JARID2: variants seen among roughly 807,000 people sequenced by gnomAD.
JARID2 encodes protein Jumonji.
Under a neutral mutation model 125.6 loss-of-function variants are expected in JARID2, and 21 were observed. The ratio of observed to expected loss-of-function variants is 0.17; its 90% CI spans 0.12 to 0.24. The LOEUF is 0.24. JARID2 is among the 10% of genes least tolerant of loss of function. JARID2 has a pLI of 1.00. For missense variants in JARID2, 1,303 were observed against 1,639.6 expected (o/e 0.79, Z 3.55); for synonymous variants, 736 against 661.6 (o/e 1.11, Z -1.73).
At chr6:15,486,195 C>CT (rs1409929038) in intron 5 of JARID2, among the ~76,000 whole-genome samples, 2 of 152,200 alleles carry the variant, frequency 1.3e-5, no homozygotes, top group African/African-American at 4.8e-5. Flanking sequence ...GAAACAGGCC[C>CT]TGTTTGGACT....
intron 3 of JARID2, among the ~76,000 whole-genome samples, chr6:15,451,595 C>G (rs985491214): frequency 6.6e-6 from 1 of 152,052 alleles, no homozygotes; most frequent in Non-Finnish European, 1.5e-5. Context: ...GTTAGATGGA[C>G]GTATAGGATG....
intron 5 of JARID2, among the ~76,000 whole-genome samples, chr6:15,481,442 C>CTT (rs910848222): frequency 2.6e-4 from 40 of 152,188 alleles, no homozygotes; most frequent in Non-Finnish European, 3.8e-4. Context: ...AGGGTTTAAT[C>CTT]TTTCCCTGTG....
At chr6:15,287,856 A>G (rs1296211411) in intron 1 of JARID2, among the ~76,000 whole-genome samples, 2 of 152,176 alleles carry the variant, frequency 1.3e-5, no homozygotes, top group Non-Finnish European at 2.9e-5. Context: ...AAAGCATTGT[A>G]TAATACCCAC....
In JARID2 at chr6:15,318,615, C is replaced by T. The variant is rs111497130; in HGVS notation, c.46-55502C>T. Among the ~76,000 whole-genome samples, 1,239 of 152,296 alleles carry T rather than the reference C, an allele frequency of 8.1e-3. 8 individuals are homozygous for T. The highest frequency in any genetic ancestry group is 0.042 in the South Asian group (203 of 4,826). On this transcript the variant is annotated intron_variant, in intron 1 of 17. Transcript: ENST00000341776. ...TCTGACATTCACTGGAGGCACCCCC[C>T]TCCCCTTTCCTTACAAGGCATCTCA...
chr6:15,476,572 T>C (rs1392365828), intron 5 of JARID2, among the ~76,000 whole-genome samples: 1 of 152,202 alleles, frequency 6.6e-6, no homozygotes, highest in Non-Finnish European at 1.5e-5. Flanking sequence ...AACATCCTAA[T>C]GGAAATGGAT....
intron 1 of JARID2, among the ~76,000 whole-genome samples, chr6:15,286,840 C>A (rs562579186): frequency 3.4e-5 from 5 of 146,566 alleles, no homozygotes; most frequent in Admixed American, 6.9e-5. Flanking sequence ...CCAGCCTGGG[C>A]GACAGAGCGA....
chr6:15,336,286 A>T (rs794797), intron 1 of JARID2, among the ~76,000 whole-genome samples: 137,245 of 152,348 alleles, frequency 0.9, 62,004 homozygotes, highest in African/African-American at 0.98. Context: ...TTTTGTGTTT[A>T]ACAACACTGG....
At chr6:15,401,249 A>G (rs529899669) in intron 2 of JARID2, among the ~76,000 whole-genome samples, 21 of 152,254 alleles carry the variant, frequency 1.4e-4, no homozygotes, top group African/African-American at 5.1e-4. Flanking sequence ...CCTAGGGGCA[A>G]TGGTGGCTCC....
At chr6:15,276,170 C>G (rs1356657580) in intron 1 of JARID2, among the ~76,000 whole-genome samples, 1 of 152,200 alleles carries the variant, frequency 6.6e-6, no homozygotes, top group Non-Finnish European at 1.5e-5. Flanking sequence ...CCTAAGTTGA[C>G]TAAAGTTCGA....
chr6:15,409,194 C>G (rs760238181), intron 2 of JARID2, among the ~76,000 whole-genome samples: 1 of 152,168 alleles, frequency 6.6e-6, no homozygotes, highest in African/African-American at 2.4e-5. Flanking sequence ...TTCTGAGATA[C>G]TTCAGTCACA....
Position 15,346,678 on chromosome 6 carries a change from G to T in JARID2, c.46-27439G>T, listed in dbSNP as rs547515413. On this transcript the variant is annotated intron_variant, in intron 1 of 17. Coordinates refer to ENST00000341776, the MANE Select transcript of JARID2 (RefSeq NM_004973.4). Reference sequence around the variant, plus strand: ...ATTTTGTTTGTTCTGCTCTAACAACGTCTGGATGCTTGTAGTGACCAGCTT... The same window carrying T: ...ATTTTGTTTGTTCTGCTCTAACAACTTCTGGATGCTTGTAGTGACCAGCTT... 4.2e-4 allele frequency among the ~76,000 whole-genome samples: 64 copies of T among 151,858 alleles called. 3 individuals carry two copies. The South Asian group carries it at 0.013, about 31-fold the overall frequency.
At chr6:15,413,883 C>T (rs912518612) in intron 3 of JARID2, among the ~76,000 whole-genome samples, 2 of 152,214 alleles carry the variant, frequency 1.3e-5, no homozygotes, top group East Asian at 3.8e-4. Flanking sequence ...CCTCTCAGCA[C>T]TGTTGGATTA....
At chr6:15,420,917 C>G (rs1766458222) in intron 3 of JARID2, among the ~76,000 whole-genome samples, 1 of 152,220 alleles carries the variant, frequency 6.6e-6, no homozygotes, top group African/African-American at 2.4e-5. Context: ...AATTTGGATA[C>G]TGTTCCTGCT....
intron 4 of JARID2, among the ~76,000 whole-genome samples, chr6:15,461,856 A>ATG (rs1245434142): frequency 6.6e-6 from 1 of 151,588 alleles, no homozygotes; most frequent in Non-Finnish European, 1.5e-5. Flanking sequence ...CTTGGATCCC[A>ATG]TGTAGAGTCC....
chr6:15,255,158 T>C (rs1452682663), intron 1 of JARID2, among the ~76,000 whole-genome samples: 2 of 148,946 alleles, frequency 1.3e-5, no homozygotes, highest in Non-Finnish European at 3.0e-5. Flanking sequence ...TTTTTTTTTT[T>C]TGAGACGAGT....
chr6:15,409,942 T>G (rs1478318569), intron 2 of JARID2, among the ~76,000 whole-genome samples: 1 of 152,224 alleles, frequency 6.6e-6, no homozygotes, highest in Non-Finnish European at 1.5e-5. Flanking sequence ...GTTTATGTAC[T>G]CTTTAAAAAC....
chr6:15,487,858 A>G (rs908759736), intron 6 of JARID2, among the ~76,000 whole-genome samples: 2 of 141,648 alleles, frequency 1.4e-5, no homozygotes, highest in Admixed American at 7.0e-5. Flanking sequence ...GGCAGGGAAC[A>G]TGTTTTTCTC....
chr6:15,392,497 C>T (rs1018539366), intron 2 of JARID2, among the ~76,000 whole-genome samples: 4 of 152,062 alleles, frequency 2.6e-5, no homozygotes, highest in Admixed American at 2.6e-4. Flanking sequence ...TAACAGGGGA[C>T]GACAGAGGGA....
At chr6:15,458,200 A>G (rs1193259312) in intron 4 of JARID2, among the ~76,000 whole-genome samples, 1 of 152,186 alleles carries the variant, frequency 6.6e-6, no homozygotes, top group Non-Finnish European at 1.5e-5. Context: ...TGTTCTGACT[A>G]TGATTATTAA....
Sources: gnomAD v4.1 joint callset for allele counts (sites outside exome capture counted in the v4.1 genomes callset) on GRCh38, gnomAD v4.1.1 for gene constraint, MANE v1.5 for transcripts, NCBI Gene and HGNC (gene_info 2026-07-23, HGNC 2026-07-21) for gene names.